CAD: variants seen among roughly 807,000 people sequenced by gnomAD.
CAD encodes carbamoyl-phosphate synthetase 2, aspartate transcarbamylase, and dihydroorotase, also known as multifunctional protein CAD.
In CAD, 81 loss-of-function variants were observed where a neutral mutation model predicts 237.2. That is an observed-to-expected ratio of 0.34 (90% CI 0.29 to 0.41). The LOEUF (loss-of-function observed/expected upper bound fraction) is 0.41. Among genes scored for constraint, CAD ranks in the 10% least tolerant of loss-of-function variants. The pLI is 1.00. For missense variants in CAD, 2,181 were observed against 2,951.7 expected, an observed-to-expected ratio of 0.74 and a Z score of 6.05; for synonymous variants, 1,196 against 1,162.8, an observed-to-expected ratio of 1.03 and a Z score of -0.58.
chr2:27,238,901 T>C, intron 31 of CAD, 141 bp from the exon 32 acceptor site: 1 of 861,674 alleles, frequency 1.2e-6, no homozygotes, highest in Non-Finnish European at 1.8e-6. Flanking sequence ...CTGTTGCCCT[T>C]GTTTCTAGTT....
In CAD at chr2:27,226,172, T is replaced by C; in HGVS notation, c.1884T>C (p.Thr628=). The change falls in exon 13 of 44, where the codon ACT becomes ACC. Residue 628 remains threonine (T), a synonymous_variant. Coordinates refer to ENST00000264705, the MANE Select transcript of CAD (RefSeq NM_004341.5). ...MENLDPLGIH[T]GESIVVAPSQ... ...ACTTGGACCCACTGGGCATCCACAC[T>C]GGTGAGTCCATAGTGGTGGCCCCTA... 1 of 1,614,138 alleles carries C rather than the reference T, an allele frequency of 6.2e-7. No homozygotes were observed. Among genetic ancestry groups the C allele is most frequent in the Non-Finnish European group, 8.5e-7 (1 of 1,180,000 alleles).
chr2:27,242,902 CCTGACA>C lies in CAD; in HGVS notation c.6414_6419del (p.Thr2139_Asp2140del). On this transcript the variant is annotated inframe_deletion, in exon 42 of 44. Transcript: ENST00000264705. The surrounding 1 kb of genome is among the most constrained non-coding windows in gnomAD (Gnocchi z 6.4). ...ATTCGAGAGCATTGAGGAGGCGCTG[CCTGACA>C]CTGATGTGCTCTACATGACTCGAAT... 1 of 1,614,052 alleles carries C rather than the reference CCTGACA, an allele frequency of 6.2e-7. No individual in the cohort carries two copies. Among genetic ancestry groups the C allele is most frequent in the Non-Finnish European group, 8.5e-7 (1 of 1,179,902 alleles).
chr2:27,217,616 C>G lies in CAD; in HGVS notation c.65C>G (p.Ser22Trp). 1 of 1,607,400 alleles carries G rather than the reference C, an allele frequency of 6.2e-7. No homozygotes were observed. Among genetic ancestry groups the G allele is most frequent in the East Asian group, 2.3e-5 (1 of 44,428 alleles). Residue 22 changes from serine to tryptophan, a missense_variant, in exon 1 of 44, where the codon TCG (serine) becomes TGG (tryptophan). Around this residue, in one of 12 missense-constraint regions of CAD, gnomAD observed 314 missense variants for 339.4 expected, o/e 0.93. Coordinates refer to ENST00000264705, the MANE Select transcript of CAD (RefSeq NM_004341.5). Reference sequence around the variant, plus strand: ...GGCCAGCCCTTTGGGGCCGCCGTGTCGACTGCCGGGGAAGTGGGTAAGCAA... The same window carrying G: ...GGCCAGCCCTTTGGGGCCGCCGTGTGGACTGCCGGGGAAGTGGGTAAGCAA... ...LRGQPFGAAV[S>W]TAGEVVFQTG...
In CAD at chr2:27,232,561, C is replaced by T. The variant is rs201694266; in HGVS notation, c.2759C>T (p.Thr920Met). Residue 920 changes from threonine (T) to methionine (M), a missense_variant, in exon 18 of 44, where the codon ACG (threonine) becomes ATG (methionine). This residue lies in a region of CAD where 385 missense variants were observed against 535.1 expected (regional missense o/e 0.72). Coordinates refer to ENST00000264705, the MANE Select transcript of CAD (RefSeq NM_004341.5). The surrounding 1 kb of genome is among the most constrained non-coding windows in gnomAD (Gnocchi z 4.1). The part of the protein sequence containing the change: ...WPAQTNYLYL[T>M]YWGTTHDLTF... Reference sequence around the variant, plus strand: ...GCCCAGACAAATTACCTATACCTAACGTATTGGGGCACCACCCATGACCTC... The same window carrying T: ...GCCCAGACAAATTACCTATACCTAATGTATTGGGGCACCACCCATGACCTC... The T allele has an allele frequency of 6.2e-7, 1 of 1,614,218 alleles. No homozygotes were observed. The highest frequency in any genetic ancestry group is 8.5e-7 in the Non-Finnish European group (1 of 1,180,032).
At position 27,241,050 on chromosome 2, in the gene CAD, C is replaced by T. The variant is rs1271226816; in HGVS notation, c.5639-8C>T. On this transcript the variant is annotated splice_polypyrimidine_tract_variant and splice_region_variant and intron_variant, in intron 36 of 43. Coordinates refer to ENST00000264705, the MANE Select transcript of CAD (RefSeq NM_004341.5). The surrounding 1 kb of genome is among the most constrained non-coding windows in gnomAD (Gnocchi z 4.6). ...GACCAGCCTTTTCTGCCCCATCCCT[C>T]ACTGCAGAGCTGATGGGAACCCCTG... 2.4e-5 allele frequency: 39 copies of T among 1,611,302 alleles called. No homozygotes were observed. The highest frequency in any genetic ancestry group is 1.0e-4 in the Admixed American group (6 of 59,720).
intron 42 of CAD, 41 bp from the exon 43 acceptor site, chr2:27,243,157 C>G: frequency 6.3e-7 from 1 of 1,593,370 alleles, no homozygotes; most frequent in South Asian, 1.1e-5. Flanking sequence ...TGTAGCCACT[C>G]CTACCCCAAG....
Position 27,242,098 on chromosome 2 carries a change from G to A in CAD, c.6071G>A (p.Arg2024Gln), listed in dbSNP as rs763410987. The change falls in exon 39 of 44, where the codon CGG (arginine) becomes CAG (glutamine). Residue 2024 changes from arginine to glutamine, a missense_variant. By Grantham distance (43) the Arg-to-Gln change is conservative. Coordinates refer to ENST00000264705, the MANE Select transcript of CAD (RefSeq NM_004341.5). This position sits in a 1 kb window ranked among gnomAD's most constrained non-coding sequence, Gnocchi z 6.4. ...TGCTATGCCGACGTCGTCGTGCTCCGGCACCCCCAGCCTGGAGCAGTGGAG... is the reference window on the plus strand; with the variant it reads ...TGCTATGCCGACGTCGTCGTGCTCCAGCACCCCCAGCCTGGAGCAGTGGAG... ...MSCYADVVVL[R>Q]HPQPGAVELA... is the part of the protein sequence containing the mutation. 1.9e-5 allele frequency: 30 copies of A among 1,612,862 alleles called. No homozygotes were observed. Among genetic ancestry groups the A allele is most frequent in the Non-Finnish European group, 2.4e-5 (28 of 1,179,994 alleles).
Position 27,240,479 on chromosome 2 carries a change from C to G in CAD, c.5593+118C>G. 6.7e-7 allele frequency: 1 copy of G among 1,483,334 alleles called. No individual in the cohort carries two copies. The highest frequency in any genetic ancestry group is 9.3e-7 in the Non-Finnish European group (1 of 1,073,588). 91.9% of individuals were successfully genotyped at this position (1,483,334 alleles called of 1,614,324 possible). A position where few individuals can be genotyped will look rare whatever the true frequency, so the allele number is the denominator to read the frequency against. ...CTCCATCCCTTTATCCTCGTCTGAT[C>G]TGCCGTGCCATCCTTTGCCTAAACA... On this transcript the variant is annotated intron_variant, in intron 35 of 43. Coordinates refer to ENST00000264705, the MANE Select transcript of CAD (RefSeq NM_004341.5). The surrounding 1 kb of genome is among the most constrained non-coding windows in gnomAD (Gnocchi z 4.6).
At chr2:27,224,155 G>A in intron 8 of CAD, 126 bp downstream of exon 8, 1 of 911,448 alleles carries the variant, frequency 1.1e-6, no homozygotes, top group Non-Finnish European at 1.7e-6. Context: ...GGGATGGGTG[G>A]CAACCAACCC....
At chr2:27,227,749 A>G (rs1053580808) in intron 15 of CAD, among the ~76,000 whole-genome samples, 3 of 152,228 alleles carry the variant, frequency 2.0e-5, no homozygotes, top group South Asian at 2.1e-4. Flanking sequence ...CATCTGTTCA[A>G]GTATTCTTGG....
In CAD at chr2:27,218,080, A is replaced by G. The variant is rs1357750971; in HGVS notation, c.222+64A>G. ...GTCAGTAATTGTTAACTATTAGTGAAGTAGGAGACGTTGACACCCTGCTGG... is the reference window on the plus strand; with the variant it reads ...GTCAGTAATTGTTAACTATTAGTGAGGTAGGAGACGTTGACACCCTGCTGG... On this transcript the variant is annotated intron_variant, in intron 2 of 43. Coordinates refer to ENST00000264705, the MANE Select transcript of CAD (RefSeq NM_004341.5). The G allele has an allele frequency of 2.1e-5, 30 of 1,435,944 alleles. No homozygotes were observed. The East Asian group carries it at 7.4e-4, about 36-fold the overall frequency. 89.0% of individuals were successfully genotyped at this position (1,435,944 alleles called of 1,614,324 possible).
rs1294848810 is a variant in CAD, at chr2:27,238,912, C to T, written c.5063-130C>T. 6.5e-6 allele frequency: 6 copies of T among 928,672 alleles called. No individual in the cohort carries two copies. The Admixed American group carries it at 1.5e-4, about 23-fold the overall frequency. The allele number at this position is 928,672 out of a possible 1,614,324, so 57.5% of individuals were successfully genotyped here. On this transcript the variant is annotated intron_variant, in intron 31 of 43. Coordinates refer to ENST00000264705, the MANE Select transcript of CAD (RefSeq NM_004341.5). ...AGTCCTGTTGCCCTTGTTTCTAGTT[C>T]CCAGAAAAAATGAGCATTGGGAGTG... is the stretch of plus-strand genomic sequence containing the variant.
rs748683362 is a variant in CAD at position 27,234,118 on chromosome 2, C to A, written c.3510C>A (p.Pro1170=). The A allele has an allele frequency of 6.2e-7, 1 of 1,614,148 alleles. No individual in the cohort carries two copies. Among genetic ancestry groups the A allele is most frequent in the Admixed American group, 1.7e-5 (1 of 60,022 alleles). ...CAGGTGATGCGACGCTGGTGACCCC[C>A]CCACAAGATATCACTGCCAAAACCC... ...VHSGDATLVT[P]PQDITAKTLE... is the part of the protein sequence containing the mutation. The change falls in exon 22 of 44, where the codon CCC becomes CCA. Residue 1170 remains proline, a synonymous_variant. Coordinates refer to ENST00000264705, the MANE Select transcript of CAD (RefSeq NM_004341.5).
At position 27,233,923 on chromosome 2, in the gene CAD, G is replaced by A; in HGVS notation, c.3400-85G>A. 2 of 1,543,252 alleles carry A rather than the reference G, an allele frequency of 1.3e-6. No individual in the cohort carries two copies. The highest frequency in any genetic ancestry group is 1.8e-6 in the Non-Finnish European group (2 of 1,123,362). On this transcript the variant is annotated intron_variant, in intron 21 of 43. Transcript: ENST00000264705. The surrounding 1 kb of genome is among the most constrained non-coding windows in gnomAD (Gnocchi z 6.3). Reference sequence around the variant, plus strand: ...CAGGGCTGGGAACAGTGGGCTATGTGGGGCTCGTTAAAGGAAGAGACAATC... The same window carrying A: ...CAGGGCTGGGAACAGTGGGCTATGTAGGGCTCGTTAAAGGAAGAGACAATC...
intron 15 of CAD, among the ~76,000 whole-genome samples, 174 bp downstream of exon 15, chr2:27,227,136 G>A (rs1011860416): frequency 6.6e-6 from 1 of 152,158 alleles, no homozygotes; most frequent in African/African-American, 2.4e-5. Context: ...AATCTGTGTT[G>A]GAATACAGAA....
Position 27,233,306 on chromosome 2 carries a change from A to G in CAD, c.2992-6A>G, listed in dbSNP as rs780689894. The G allele has an allele frequency of 4.3e-6, 7 of 1,612,226 alleles. No homozygotes were observed. In the East Asian group the frequency reaches 6.7e-5, roughly 15 times the overall value. On this transcript the variant is annotated splice_region_variant and splice_polypyrimidine_tract_variant and intron_variant, in intron 19 of 43. Coordinates refer to ENST00000264705, the MANE Select transcript of CAD (RefSeq NM_004341.5). This position sits in a 1 kb window ranked among gnomAD's most constrained non-coding sequence, Gnocchi z 6.3. ...GCCACCACTTGTTTCTCCCCCTGCA[A>G]CGTAGGTGGTGATGGACATCTATGA... is the stretch of plus-strand genomic sequence containing the variant.
chr2:27,231,658 C>A (rs1186796232), intron 16 of CAD, 78 bp downstream of exon 16: 13 of 863,430 alleles, frequency 1.5e-5, no homozygotes, highest in Non-Finnish European at 9.5e-6. Context: ...GAGCTTGTTA[C>A]CAGTAACACT....
In CAD at chr2:27,240,241, T is replaced by C. The variant is rs755877608; in HGVS notation, c.5497-24T>C. 3 of 1,532,944 alleles carry C rather than the reference T, an allele frequency of 2.0e-6. No individual in the cohort carries two copies. Among genetic ancestry groups the C allele is most frequent in the Non-Finnish European group, 2.7e-6 (3 of 1,119,584 alleles). 95.0% of individuals were successfully genotyped at this position (1,532,944 alleles called of 1,614,324 possible). A position where few individuals can be genotyped will look rare whatever the true frequency, so the allele number is the denominator to read the frequency against. ...CTCAAAAGAAAAAAAAAAAAACAAC[T>C]CTGGGCCAACGTTATCCCTCCAGAC... On this transcript the variant is annotated intron_variant, in intron 34 of 43. Transcript: ENST00000264705. The surrounding 1 kb of genome is among the most constrained non-coding windows in gnomAD (Gnocchi z 4.6).
rs1250545374 is a variant in CAD at position 27,224,935 on chromosome 2, CTG to C, written c.1386+62_1386+63del. ...ACTGGGCAGGGGGGCCCAGTGGTCA[CTG>C]TGGGTTATTAAACTTTGATTGCCTC... On this transcript the variant is annotated intron_variant, in intron 10 of 43. Transcript: ENST00000264705. 8.7e-6 allele frequency: 14 copies of C among 1,610,702 alleles called. No individual in the cohort carries two copies. The African/African-American group carries it at 1.2e-4, about 14-fold the overall frequency.
Sources: gnomAD v4.1 joint callset for allele counts (sites outside exome capture counted in the v4.1 genomes callset) on GRCh38, gnomAD v4.1.1 for gene constraint, gnomAD v4.1.1 regional missense constraint, Gnocchi (gnomAD v3.1) non-coding constraint, MANE v1.5 for transcripts, NCBI Gene and HGNC (gene_info 2026-07-23, HGNC 2026-07-21) for gene names.